The following MTCL3 variants were observed in gnomAD, a reference collection of about 807,000 sequenced individuals.
MTCL3 encodes the protein microtubule cross-linking factor 3.
the MTCL3 span, among the ~76,000 whole-genome samples, chr6:127,483,731 C>T: frequency 6.6e-6 from 1 of 152,106 alleles, no homozygotes; most frequent in Non-Finnish European, 1.5e-5. Context: ...CAAGGACAAG[C>T]GTAATATGAT....
the MTCL3 span, among the ~76,000 whole-genome samples, chr6:127,505,043 T>G: frequency 6.6e-6 from 1 of 152,316 alleles, no homozygotes; most frequent in East Asian, 1.9e-4. Flanking sequence ...GAATAGATGA[T>G]GAATTCTTTT....
chr6:127,506,781 G>A, the MTCL3 span, among the ~76,000 whole-genome samples: 9,340 of 151,922 alleles, frequency 0.061, 341 homozygotes, highest in East Asian at 0.11. Context: ...GGGTTTCACC[G>A]TGTTAGCCAG....
the MTCL3 span, among the ~76,000 whole-genome samples, chr6:127,498,580 A>G: frequency 1.3e-5 from 2 of 152,194 alleles, no homozygotes; most frequent in East Asian, 3.8e-4. Flanking sequence ...AATCTTAGCT[A>G]TCTACCCAAG....
At chr6:127,496,851 C>CGGATA in the MTCL3 span, among the ~76,000 whole-genome samples, 1 of 151,984 alleles carries the variant, frequency 6.6e-6, no homozygotes, top group African/African-American at 2.4e-5. Context: ...GAATGAACTA[C>CGGATA]GGATACATGG....
chr6:127,493,918 C>T, the MTCL3 span, among the ~76,000 whole-genome samples: 8 of 152,064 alleles, frequency 5.3e-5, no homozygotes, highest in East Asian at 1.9e-4. Context: ...CTCAGATTGA[C>T]GACAGAGTTA....
chr6:127,514,850 C>T, the MTCL3 span: 1 of 1,613,460 alleles, frequency 6.2e-7, no homozygotes, highest in Admixed American at 1.7e-5. Context: ...GGCTGCGCAA[C>T]AGCTCCCCGT....
the MTCL3 span, among the ~76,000 whole-genome samples, chr6:127,504,730 CA>C: frequency 6.6e-5 from 10 of 152,106 alleles, no homozygotes; most frequent in African/African-American, 2.4e-4. Context: ...CAAGTAATCT[CA>C]AAAAATTTTT....
chr6:127,518,295 G>A, the MTCL3 span, among the ~76,000 whole-genome samples: 1 of 152,186 alleles, frequency 6.6e-6, no homozygotes, highest in East Asian at 1.9e-4. Context: ...AATAATTCCA[G>A]AGCTGAGAAG....
At chr6:127,516,391 A>T in the MTCL3 span, 4 of 1,600,586 alleles carry the variant, frequency 2.5e-6, no homozygotes, top group Non-Finnish European at 3.4e-6. Flanking sequence ...CTGCTGCTGC[A>T]GCTGCTGCTG....
At chr6:127,502,455 C>T in the MTCL3 span, among the ~76,000 whole-genome samples, 6 of 152,122 alleles carry the variant, frequency 3.9e-5, no homozygotes, top group Non-Finnish European at 7.4e-5. Context: ...GATCCTGAAG[C>T]AGTAAGGACT....
At chr6:127,512,768 G>T in the MTCL3 span, 715 of 807,820 alleles carry the variant, frequency 8.9e-4, 2 homozygotes, top group African/African-American at 0.011. Context: ...TTACTATTTG[G>T]GTAAGAGTAA....
At chr6:127,502,434 G>A in the MTCL3 span, among the ~76,000 whole-genome samples, 161 of 152,358 alleles carry the variant, frequency 1.1e-3, no homozygotes, top group Non-Finnish European at 1.6e-3. Flanking sequence ...ATTTGCAAAT[G>A]TGAGCTAGTG....
chr6:127,488,928 A>G, the MTCL3 span, among the ~76,000 whole-genome samples: 1 of 152,226 alleles, frequency 6.6e-6, no homozygotes, highest in African/African-American at 2.4e-5. Flanking sequence ...ATTATGTATC[A>G]TAAGTAATCT....
At chr6:127,481,241 A>G in the MTCL3 span, 1 of 935,554 alleles carries the variant, frequency 1.1e-6, no homozygotes, top group Non-Finnish European at 1.3e-6. Flanking sequence ...TCTACTCCAT[A>G]AACAAGGTAG....
the MTCL3 span, chr6:127,482,947 T>A: frequency 6.2e-7 from 1 of 1,609,346 alleles, no homozygotes; most frequent in South Asian, 1.1e-5. The surrounding 1 kb of genome is among the most constrained non-coding windows in gnomAD (Gnocchi z 4.1). Flanking sequence ...TTTTTCAGAT[T>A]TTGGCAAATC....
chr6:127,516,385 TGCTGCA>T, the MTCL3 span: 1 of 1,600,366 alleles, frequency 6.2e-7, no homozygotes, highest in South Asian at 1.1e-5. Context: ...CTGTTGCTGC[TGCTGCA>T]GCTGCTGCTG....
At chr6:127,503,014 G>A in the MTCL3 span, among the ~76,000 whole-genome samples, 1 of 152,176 alleles carries the variant, frequency 6.6e-6, no homozygotes, top group Non-Finnish European at 1.5e-5. Context: ...CACCTTGGAA[G>A]TCTTCTCTCA....
chr6:127,510,216 G>A, the MTCL3 span, among the ~76,000 whole-genome samples: 1 of 152,210 alleles, frequency 6.6e-6, no homozygotes, highest in East Asian at 1.9e-4. Flanking sequence ...CCCTAATCAG[G>A]CATTGACATT....
At chr6:127,500,647 A>C in the MTCL3 span, among the ~76,000 whole-genome samples, 59 of 152,278 alleles carry the variant, frequency 3.9e-4, no homozygotes, top group South Asian at 2.3e-3. Flanking sequence ...AGTGTCCATT[A>C]GTTATTTTTC....
Sources: allele counts gnomAD v4.1 joint callset (sites outside exome capture counted in the v4.1 genomes callset), GRCh38; gene constraint gnomAD v4.1.1; non-coding constraint Gnocchi (gnomAD v3.1); transcripts MANE v1.5; gene names NCBI Gene and HGNC (gene_info 2026-07-23, HGNC 2026-07-21).